CUX1: variants seen among roughly 807,000 people sequenced by gnomAD.
The protein encoded by CUX1 is cut like homeobox 1.
In CUX1, 31 loss-of-function variants were observed where a neutral mutation model predicts 158.8. That is an observed-to-expected ratio of 0.20 (90% CI 0.15 to 0.26). The LOEUF (loss-of-function observed/expected upper bound fraction) is 0.26, where lower values mean the gene tolerates loss of function less well. Ranked by LOEUF, CUX1 falls within the 10% of genes least tolerant of loss-of-function variation. The pLI is 1.00. For missense variants in CUX1, 1,589 were observed against 2,014.6 expected, an observed-to-expected ratio of 0.79 and a Z score of 4.04; for synonymous variants, 879 against 862.1, an observed-to-expected ratio of 1.02 and a Z score of -0.34.
chr7:102,149,891 C>T (rs1350107417), intron 8 of CUX1, among the ~76,000 whole-genome samples: 1 of 152,168 alleles, frequency 6.6e-6, no homozygotes, highest in Non-Finnish European at 1.5e-5. Context: ...GCGAGCCCCA[C>T]CTCTGTCCGT....
At chr7:102,210,297 A>C (rs1350576702) in intron 20 of CUX1, among the ~76,000 whole-genome samples, 1 of 152,118 alleles carries the variant, frequency 6.6e-6, no homozygotes, top group Non-Finnish European at 1.5e-5. Context: ...GGGTTTCACC[A>C]TGTTGGCCAG....
rs547028626 is a variant in CUX1 at position 102,253,917 on chromosome 7, C to T, written c.*4875C>T. 32 of 985,642 alleles carry T rather than the reference C, an allele frequency of 3.2e-5. No individual in the cohort carries two copies. In the African/African-American group the frequency reaches 4.7e-4, roughly 15 times the overall value. The allele number at this position is 985,642 out of a possible 1,614,324, so 61.1% of individuals were successfully genotyped here. On this transcript the variant is annotated 3_prime_UTR_variant, in exon 24 of 24. Transcript: ENST00000292535. ...GATGTCCTCCCTCTTCTTCACACTC[C>T]TCATTGTCCCTTCTACCTCACTAAC... is the stretch of plus-strand genomic sequence containing the variant.
At chr7:101,976,943 G>A (rs763585540) in intron 2 of CUX1, among the ~76,000 whole-genome samples, 2 of 37,648 alleles carry the variant, frequency 5.3e-5, no homozygotes, top group African/African-American at 2.4e-4. Context: ...ATGTAGTTTC[G>A]TTCTTGTTAC....
intron 20 of CUX1, among the ~76,000 whole-genome samples, chr7:102,208,840 A>C (rs1751173731): frequency 6.6e-6 from 1 of 152,236 alleles, no homozygotes; most frequent in African/African-American, 2.4e-5. Flanking sequence ...GTCTGCAGAA[A>C]GGTCATTGCA....
chr7:102,179,972 GTATGAAGTAGTCC>G (rs1483184807), intron 11 of CUX1, among the ~76,000 whole-genome samples: 3 of 152,224 alleles, frequency 2.0e-5, no homozygotes, highest in African/African-American at 7.2e-5. Flanking sequence ...ACCTTTTCTG[GTATGAAGTAGTCC>G]TAGGATGTAC....
Position 102,158,545 on chromosome 7 carries a change from C to G in CUX1, c.675-15C>G. ...TCCTTGTGACTAACCTGCTCTCTCC[C>G]TCTCACCCTCCTAGGGCCGACGAGA... On this transcript the variant is annotated splice_polypyrimidine_tract_variant and intron_variant, in intron 8 of 23. Transcript: ENST00000292535. 1 of 1,613,932 alleles carries G rather than the reference C, an allele frequency of 6.2e-7. No individual in the cohort carries two copies. Among genetic ancestry groups the G allele is most frequent in the Non-Finnish European group, 8.5e-7 (1 of 1,179,914 alleles).
intron 2 of CUX1, among the ~76,000 whole-genome samples, chr7:102,025,553 G>A (rs1258491572): frequency 3.4e-4 from 52 of 152,034 alleles, no homozygotes; most frequent in Admixed American, 3.3e-3. Context: ...CCTTGAACCC[G>A]GGAGGTGGAG....
chr7:101,854,004 T>C (rs1207721562), intron 1 of CUX1, among the ~76,000 whole-genome samples: 1 of 152,206 alleles, frequency 6.6e-6, no homozygotes, highest in East Asian at 1.9e-4. Context: ...TTGAGGCTTG[T>C]CTGGAAAGGC....
chr7:102,080,577 A>C (rs1224226269), intron 4 of CUX1, among the ~76,000 whole-genome samples: 1 of 152,174 alleles, frequency 6.6e-6, no homozygotes, highest in Admixed American at 6.5e-5. Context: ...CTGTGCAAAC[A>C]TGAGCCTCAT....
intron 2 of CUX1, among the ~76,000 whole-genome samples, chr7:101,936,962 C>A (rs1322338944): frequency 2.0e-5 from 3 of 152,200 alleles, no homozygotes; most frequent in Non-Finnish European, 4.4e-5. Flanking sequence ...GGGCCCCACC[C>A]TAGACTTAGT....
intron 4 of CUX1, among the ~76,000 whole-genome samples, chr7:102,082,523 AATAC>A (rs1279552205): frequency 6.8e-6 from 1 of 147,198 alleles, no homozygotes; most frequent in African/African-American, 2.4e-5. Context: ...TCTAAAAATA[AATAC>A]ATACATAAAC....
intron 1 of CUX1, among the ~76,000 whole-genome samples, chr7:101,905,877 A>G (rs983191581): frequency 6.6e-6 from 1 of 152,006 alleles, no homozygotes; most frequent in African/African-American, 2.4e-5. Context: ...TTAATGAGAC[A>G]GGGTCTTGCT....
intron 4 of CUX1, among the ~76,000 whole-genome samples, chr7:102,093,445 C>T (rs1028139241): frequency 6.6e-6 from 1 of 152,150 alleles, no homozygotes; most frequent in Non-Finnish European, 1.5e-5. Context: ...CCTCGGCCTC[C>T]CAAAGTGCTG....
chr7:102,139,996 A>G (rs1188811288), intron 8 of CUX1, among the ~76,000 whole-genome samples: 1 of 152,090 alleles, frequency 6.6e-6, no homozygotes, highest in Non-Finnish European at 1.5e-5. Flanking sequence ...CCAAACCAGA[A>G]AAGTTGTTTT....
intron 2 of CUX1, among the ~76,000 whole-genome samples, chr7:102,025,819 C>T (rs1214077323): frequency 6.6e-6 from 1 of 152,078 alleles, no homozygotes; most frequent in Non-Finnish European, 1.5e-5. Flanking sequence ...TGCTTCTTGA[C>T]CAAATGTTTC....
intron 5 of CUX1, among the ~76,000 whole-genome samples, chr7:102,098,038 C>T (rs983027765): frequency 5.9e-5 from 9 of 152,214 alleles, no homozygotes; most frequent in African/African-American, 2.2e-4. Context: ...ACAGAGAGGG[C>T]AAAGGTTGCC....
chr7:102,075,350 G>T (rs1418158136), intron 4 of CUX1, among the ~76,000 whole-genome samples: 1 of 152,158 alleles, frequency 6.6e-6, no homozygotes, highest in African/African-American at 2.4e-5. Context: ...CTGTTGAGAC[G>T]CCACTTCCTG....
At chr7:102,274,404 C>T in intron 16 of CUX1, 1 of 1,142,354 alleles carries the variant, frequency 8.8e-7, no homozygotes, top group South Asian at 1.3e-5. Flanking sequence ...AGAGTAGTCC[C>T]TTCCTCTAAG....
intron 2 of CUX1, among the ~76,000 whole-genome samples, chr7:101,925,426 T>C (rs963809236): frequency 6.6e-6 from 1 of 152,112 alleles, no homozygotes; most frequent in African/African-American, 2.4e-5. Context: ...TAGATTTCTA[T>C]AGAGATAGAA....
Sources: gnomAD v4.1 joint callset for allele counts (sites outside exome capture counted in the v4.1 genomes callset) on GRCh38, gnomAD v4.1.1 for gene constraint, MANE v1.5 for transcripts, NCBI Gene and HGNC (gene_info 2026-07-23, HGNC 2026-07-21) for gene names.